CUL3: variants seen among roughly 807,000 people sequenced by gnomAD.
The protein encoded by CUL3 is cullin-3.
Under a neutral mutation model 89.1 loss-of-function variants are expected in CUL3, and 19 were observed. The ratio of observed to expected loss-of-function variants is 0.21; its 90% confidence interval spans 0.15 to 0.31. The LOEUF is 0.31. Ranked by LOEUF, CUL3 falls within the 10% of genes least tolerant of loss-of-function variation. The pLI, the probability that CUL3 is intolerant of heterozygous loss-of-function variation, is 1.00. For missense variants in CUL3, 469 were observed against 942.3 expected, an observed-to-expected ratio of 0.50 and a Z score of 6.58; for synonymous variants, 351 against 308.4, an observed-to-expected ratio of 1.14 and a Z score of -1.45.
chr2:224,502,630 G>C (rs1028126268), intron 10 of CUL3, among the ~76,000 whole-genome samples: 4 of 152,148 alleles, frequency 2.6e-5, no homozygotes, highest in Non-Finnish European at 4.4e-5. Context: ...GAAGAGTACT[G>C]AAACTCAGTA....
intron 1 of CUL3, among the ~76,000 whole-genome samples, chr2:224,564,489 T>C (rs1694991956): frequency 6.6e-6 from 1 of 152,242 alleles, no homozygotes; most frequent in African/African-American, 2.4e-5. Flanking sequence ...ACCACATTCA[T>C]GTTCTTTTAT....
rs540544105 is a variant in CUL3 at position 224,509,793 on chromosome 2, G to A, written c.883+1561C>T. Among the ~76,000 whole-genome samples the A allele has an allele frequency of 3.6e-4, 55 of 152,278 alleles. No individual in the cohort carries two copies. In the South Asian group the frequency reaches 3.7e-3, roughly 10 times the overall value. The stretch of plus-strand genomic sequence containing the variant: ...AAAGCATTCATTCAATACCTAAACA[G>A]TACATTACATAATTTATCAATACTC... On this transcript the variant is annotated intron_variant, in intron 6 of 15. Transcript: ENST00000264414.
At chr2:224,542,513 GTA>G (rs1491094170) in intron 2 of CUL3, among the ~76,000 whole-genome samples, 467 of 143,574 alleles carry the variant, frequency 3.3e-3, no homozygotes, top group African/African-American at 8.7e-3. Flanking sequence ...GTGTGTGTGT[GTA>G]TGTGTGTGTG....
At chr2:224,481,789 C>T in intron 14 of CUL3, 103 bp downstream of exon 14, 1 of 738,804 alleles carries the variant, frequency 1.4e-6, no homozygotes, top group Middle Eastern at 4.1e-4. Flanking sequence ...TATCATGCAG[C>T]ACCAGAAAAG....
intron 1 of CUL3, among the ~76,000 whole-genome samples, chr2:224,584,223 T>C (rs1695512310): frequency 6.6e-6 from 1 of 152,170 alleles, no homozygotes; most frequent in South Asian, 2.1e-4. Flanking sequence ...CACTCATTCT[T>C]TGGGCTCCCA....
intron 2 of CUL3, among the ~76,000 whole-genome samples, chr2:224,551,595 C>T (rs1253655173): frequency 2.0e-5 from 3 of 151,622 alleles, no homozygotes; most frequent in Non-Finnish European, 2.9e-5. Flanking sequence ...CCTGCCACCT[C>T]AGTCTCCCAA....
intron 15 of CUL3, 56 bp from the exon 16 acceptor site, chr2:224,474,432 G>A: frequency 7.0e-7 from 1 of 1,438,708 alleles, no homozygotes; most frequent in Non-Finnish European, 9.6e-7. Flanking sequence ...TCGTATCTTT[G>A]AACAGAACTG....
intron 4 of CUL3, among the ~76,000 whole-genome samples, chr2:224,513,914 GGAA>G (rs1273679089): frequency 6.6e-6 from 1 of 152,220 alleles, no homozygotes; most frequent in African/African-American, 2.4e-5. Context: ...CTGTTTATCT[GGAA>G]GAAGGGAGAG....
intron 3 of CUL3, among the ~76,000 whole-genome samples, chr2:224,533,743 G>T (rs1693779728): frequency 6.6e-6 from 1 of 152,174 alleles, no homozygotes; most frequent in Non-Finnish European, 1.5e-5. Context: ...ACTTCAAAAT[G>T]ATAACACAAG....
intron 1 of CUL3, among the ~76,000 whole-genome samples, chr2:224,578,323 G>A (rs1256217362): frequency 6.6e-6 from 1 of 152,074 alleles, no homozygotes; most frequent in Non-Finnish European, 1.5e-5. Flanking sequence ...AAAATTTACA[G>A]TAAGAAATTT....
chr2:224,550,078 C>T (rs2106290909), intron 2 of CUL3, among the ~76,000 whole-genome samples: 2 of 152,272 alleles, frequency 1.3e-5, no homozygotes, highest in South Asian at 4.1e-4. Flanking sequence ...GCCCTCTTTT[C>T]TCTTGTCTCT....
intron 2 of CUL3, among the ~76,000 whole-genome samples, chr2:224,546,278 C>T (rs1222858522): frequency 6.6e-6 from 1 of 152,048 alleles, no homozygotes; most frequent in South Asian, 2.1e-4. Context: ...TTTTTGTTCT[C>T]GAGTACGATG....
At chr2:224,522,888 AT>A (rs1693321817) in intron 3 of CUL3, among the ~76,000 whole-genome samples, 1 of 152,308 alleles carries the variant, frequency 6.6e-6, no homozygotes, top group East Asian at 1.9e-4. Flanking sequence ...AGTTGTGAAA[AT>A]TTTTTATTTA....
chr2:224,524,627 A>C (rs536016192), intron 3 of CUL3, among the ~76,000 whole-genome samples: 53 of 152,144 alleles, frequency 3.5e-4, no homozygotes, highest in Admixed American at 8.5e-4. Flanking sequence ...ACTAACTAAA[A>C]GCTAGCCTCA....
chr2:224,568,945 C>T (rs949558386), intron 1 of CUL3, among the ~76,000 whole-genome samples: 1 of 152,182 alleles, frequency 6.6e-6, no homozygotes, highest in African/African-American at 2.4e-5. Flanking sequence ...CCATCCCTGA[C>T]ACAGAAGCAA....
Position 224,531,885 on chromosome 2 carries a change from G to A in CUL3, c.378+3643C>T, listed in dbSNP as rs1460469565. ...TCCTGGGAGCAATATGGAAAACAGA[G>A]AAGAGCCCAGTGAACACTGTAAGAC... On this transcript the variant is annotated intron_variant, in intron 3 of 15. Transcript: ENST00000264414. Among the ~76,000 whole-genome samples, 3 of 152,162 alleles carry A rather than the reference G, an allele frequency of 2.0e-5. No individual in the cohort carries two copies. The East Asian group carries it at 5.8e-4, about 29-fold the overall frequency.
At chr2:224,498,441 C>G (rs1276144027) in intron 11 of CUL3, among the ~76,000 whole-genome samples, 1 of 152,132 alleles carries the variant, frequency 6.6e-6, no homozygotes, top group African/African-American at 2.4e-5. Flanking sequence ...GTTCTTGCCC[C>G]AATATAACAA....
At chr2:224,509,857 C>CA (rs1399974992) in intron 6 of CUL3, among the ~76,000 whole-genome samples, 3 of 152,194 alleles carry the variant, frequency 2.0e-5, no homozygotes, top group African/African-American at 4.8e-5. Flanking sequence ...CATAAAGTCC[C>CA]AGTCTACCAG....
chr2:224,492,898 T>C (rs1288270754), intron 13 of CUL3, among the ~76,000 whole-genome samples: 1 of 152,166 alleles, frequency 6.6e-6, no homozygotes, highest in Non-Finnish European at 1.5e-5. Flanking sequence ...TTGCTCGCTC[T>C]TGGGAAAACC....
Sources: gnomAD v4.1 joint callset for allele counts (sites outside exome capture counted in the v4.1 genomes callset) on GRCh38, gnomAD v4.1.1 for gene constraint, MANE v1.5 for transcripts, NCBI Gene and HGNC (gene_info 2026-07-23, HGNC 2026-07-21) for gene names.